The following PALS1 variants were observed in gnomAD, a reference collection of about 807,000 sequenced individuals.
PALS1 encodes the protein protein associated with LIN7 1, MAGUK p55 family member, also known as protein PALS1.
In PALS1, 31 loss-of-function variants were observed where a neutral mutation model predicts 78.9. The observed-to-expected ratio is 0.39, with a 90% CI of 0.30 to 0.53. PALS1 has a LOEUF of 0.53. Ranked by LOEUF, PALS1 falls within the 20% of genes least tolerant of loss-of-function variation. PALS1 has a pLI of 0.67. For synonymous variants in PALS1, 276 were observed against 270.9 expected (o/e 1.02, Z -0.18); for missense variants, 704 against 826.5 (o/e 0.85, Z 1.82).
chr14:67,258,332 C>T (rs568872658), intron 1 of PALS1, among the ~76,000 whole-genome samples: 17 of 152,158 alleles, frequency 1.1e-4, no homozygotes, highest in East Asian at 7.7e-4. Context: ...CTCAGGAGTT[C>T]GAGACTAGTC....
At chr14:67,282,071 A>T (rs1234236091) in intron 3 of PALS1, among the ~76,000 whole-genome samples, 1 of 152,214 alleles carries the variant, frequency 6.6e-6, no homozygotes. Context: ...TTATGTTGAT[A>T]TAGTCAACAC....
At chr14:67,324,897 A>ATTTTTTTTTTTTT (rs1197663812) in intron 14 of PALS1, among the ~76,000 whole-genome samples, 1 of 76,328 alleles carries the variant, frequency 1.3e-5, no homozygotes, top group Non-Finnish European at 2.4e-5. Context: ...CCTTCCTTTC[A>ATTTTTTTTTTTTT]TTTTTTTTTT....
rs1446781230 is a variant in PALS1 at position 67,335,884 on chromosome 14, CCTCTT to C, written c.*2930_*2934del. On this transcript the variant is annotated 3_prime_UTR_variant, in exon 15 of 15. Coordinates refer to ENST00000261681, the MANE Select transcript of PALS1 (RefSeq NM_022474.4). ...TTTCCACACATGTAAAGACCACCCT[CCTCTT>C]CAAGTTTTTGCCAAAAGCAAGACCA... is the stretch of plus-strand genomic sequence containing the variant. 2.6e-5 allele frequency: 4 copies of C among 152,238 alleles called. No homozygotes were observed. Among genetic ancestry groups the C allele is most frequent in the African/African-American group, 9.6e-5 (4 of 41,454 alleles). 9.4% of individuals were successfully genotyped at this position (152,238 alleles called of 1,614,324 possible).
intron 2 of PALS1, among the ~76,000 whole-genome samples, chr14:67,274,548 G>T (rs2084466208): frequency 6.6e-6 from 1 of 152,178 alleles, no homozygotes; most frequent in South Asian, 2.1e-4. Flanking sequence ...TTTGAAGTTG[G>T]ATAGGGTGAT....
chr14:67,254,692 A>T (rs540134848), intron 1 of PALS1, among the ~76,000 whole-genome samples: 21 of 152,300 alleles, frequency 1.4e-4, no homozygotes, highest in African/African-American at 3.1e-4. Flanking sequence ...GTTATTTGGT[A>T]TTTCTTCAGT....
chr14:67,308,754 C>T (rs1056613069), intron 8 of PALS1, among the ~76,000 whole-genome samples: 1 of 151,858 alleles, frequency 6.6e-6, no homozygotes, highest in Non-Finnish European at 1.5e-5. Flanking sequence ...ATACCTTTAT[C>T]AATTAAAAAA....
At chr14:67,309,133 C>A (rs2085052113) in intron 8 of PALS1, among the ~76,000 whole-genome samples, 1 of 152,090 alleles carries the variant, frequency 6.6e-6, no homozygotes, top group Admixed American at 6.6e-5. Context: ...ATATACTGTT[C>A]TGATATTATT....
chr14:67,277,756 C>G (rs879876947), intron 2 of PALS1, among the ~76,000 whole-genome samples: 5 of 152,042 alleles, frequency 3.3e-5, no homozygotes, highest in Non-Finnish European at 5.9e-5. Context: ...AAAATAGAAT[C>G]AAGTTAATAC....
At chr14:67,297,714 A>C (rs199863172) in intron 4 of PALS1, among the ~76,000 whole-genome samples, 1 of 145,796 alleles carries the variant, frequency 6.9e-6, no homozygotes, top group East Asian at 2.1e-4. Flanking sequence ...CATAGTGTCT[A>C]TGTGGGTAAT....
At chr14:67,247,674 C>T (rs1433299061) in intron 1 of PALS1, among the ~76,000 whole-genome samples, 4 of 152,036 alleles carry the variant, frequency 2.6e-5, no homozygotes, top group Non-Finnish European at 5.9e-5. Flanking sequence ...ACTTTCTGGG[C>T]TCAGTTGATT....
At chr14:67,331,605 C>A (rs1477507620) in intron 14 of PALS1, among the ~76,000 whole-genome samples, 1 of 151,998 alleles carries the variant, frequency 6.6e-6, no homozygotes, top group Non-Finnish European at 1.5e-5. Flanking sequence ...TTTGTTTCAT[C>A]TTAGTCGTGG....
intron 3 of PALS1, among the ~76,000 whole-genome samples, chr14:67,288,029 A>G (rs2084716693): frequency 6.6e-6 from 1 of 152,100 alleles, no homozygotes; most frequent in Non-Finnish European, 1.5e-5. Flanking sequence ...GTCAGTGGTG[A>G]AATCTGAGGC....
chr14:67,317,544 T>C lies in PALS1; in HGVS notation c.1369+65T>C, dbSNP rs1595612095. The C allele has an allele frequency of 7.4e-6, 8 of 1,077,898 alleles. No homozygotes were observed. In the East Asian group the frequency reaches 2.0e-4, roughly 27 times the overall value. 66.8% of individuals were successfully genotyped at this position (1,077,898 alleles called of 1,614,324 possible). On this transcript the variant is annotated intron_variant, in intron 11 of 14. Transcript: ENST00000261681. ...AAGGAGTCTAAACCTAGTCCTGTTT[T>C]GCACCTTAATGTTAAATATGTGCTT...
intron 8 of PALS1, among the ~76,000 whole-genome samples, chr14:67,308,918 A>T (rs954526232): frequency 2.0e-5 from 3 of 152,218 alleles, no homozygotes; most frequent in African/African-American, 7.2e-5. Context: ...TCCCTAAAAA[A>T]CATGTAAATA....
intron 3 of PALS1, among the ~76,000 whole-genome samples, chr14:67,286,162 T>G (rs1567521671): frequency 6.6e-6 from 1 of 152,228 alleles, no homozygotes; most frequent in Non-Finnish European, 1.5e-5. Flanking sequence ...TATGCCTGCC[T>G]CTACCTTCTC....
In PALS1 at chr14:67,279,573, G is replaced by A. The variant is rs571265915; in HGVS notation, c.367+36G>A. 1.8e-4 allele frequency: 272 copies of A among 1,497,078 alleles called. 1 individual carries two copies. The South Asian group carries it at 3.7e-3, about 20-fold the overall frequency. The allele number at this position is 1,497,078 out of a possible 1,614,324, so 92.7% of individuals were successfully genotyped here. A position where few individuals can be genotyped will look rare whatever the true frequency, so the allele number is the denominator to read the frequency against. Reference sequence around the variant, plus strand: ...ATAGAGGTATAACAGAAAACATTTTGCTTTAATTTATCTGTGCCTTATAAT... The same window carrying A: ...ATAGAGGTATAACAGAAAACATTTTACTTTAATTTATCTGTGCCTTATAAT... On this transcript the variant is annotated intron_variant, in intron 3 of 14. Coordinates refer to ENST00000261681, the MANE Select transcript of PALS1 (RefSeq NM_022474.4).
At chr14:67,254,028 C>T (rs1489603246) in intron 1 of PALS1, among the ~76,000 whole-genome samples, 1 of 134,300 alleles carries the variant, frequency 7.4e-6, no homozygotes, top group Non-Finnish European at 1.5e-5. Context: ...ATATTCATCC[C>T]CCCCCCCTTA....
intron 9 of PALS1, 66 bp from the exon 10 acceptor site, chr14:67,316,765 AT>A: frequency 1.5e-6 from 2 of 1,322,460 alleles, no homozygotes; most frequent in South Asian, 2.8e-5. Context: ...TCCCTTCTTG[AT>A]TAAAAAAAAA....
At chr14:67,288,566 A>G (rs554863275) in intron 3 of PALS1, among the ~76,000 whole-genome samples, 7 of 152,306 alleles carry the variant, frequency 4.6e-5, no homozygotes, top group African/African-American at 1.7e-4. Flanking sequence ...TCTAGTCCCC[A>G]TAAGATTGTA....
Sources: gnomAD v4.1 joint callset for allele counts (sites outside exome capture counted in the v4.1 genomes callset) on GRCh38, gnomAD v4.1.1 for gene constraint, MANE v1.5 for transcripts, NCBI Gene and HGNC (gene_info 2026-07-23, HGNC 2026-07-21) for gene names.